Variants in ZFTRAF1 observed in about 807,000 individuals in gnomAD.
ZFTRAF1 encodes the protein zinc finger TRAF-type-containing protein 1.
the ZFTRAF1 span, chr8:144,453,273 T>C: frequency 6.4e-7 from 1 of 1,551,026 alleles, no homozygotes; most frequent in Non-Finnish European, 8.7e-7. Flanking sequence ...GCGGGGAAAC[T>C]GGCGCAGGCA....
the ZFTRAF1 span, chr8:144,462,472 G>C: frequency 1.4e-5 from 3 of 207,436 alleles, no homozygotes; most frequent in Admixed American, 1.8e-4. Context: ...GTAGCTGCCG[G>C]GCGCCCGCCA....
At chr8:144,450,712 C>T in the ZFTRAF1 span, 20 of 716,254 alleles carry the variant, frequency 2.8e-5, no homozygotes, top group Middle Eastern at 6.8e-4. Flanking sequence ...TGAACCTGGG[C>T]GTCTCATAGT....
the ZFTRAF1 span, chr8:144,449,627 T>C: frequency 6.6e-6 from 1 of 152,302 alleles, no homozygotes; most frequent in Non-Finnish European, 1.5e-5. Context: ...ATCTTTTTCC[T>C]GGGAAGAGAC....
chr8:144,459,580 A>G, the ZFTRAF1 span, among the ~76,000 whole-genome samples: 148,432 of 152,326 alleles, frequency 0.97, 72,434 homozygotes, highest in Middle Eastern at 1. Flanking sequence ...GCAGGCCCAA[A>G]GGCTCAGACC....
chr8:144,450,084 G>A, the ZFTRAF1 span: 6 of 420,046 alleles, frequency 1.4e-5, no homozygotes, highest in South Asian at 2.6e-5. Context: ...TGTGCCTCTC[G>A]GCCTCCTTGC....
At chr8:144,450,733 G>A in the ZFTRAF1 span, 1 of 711,498 alleles carries the variant, frequency 1.4e-6, no homozygotes, top group Non-Finnish European at 2.6e-6. Context: ...ACAGGCGCGT[G>A]ATGAAGTCGT....
the ZFTRAF1 span, chr8:144,450,034 A>C: frequency 3.0e-6 from 1 of 332,536 alleles, no homozygotes; most frequent in Non-Finnish European, 5.7e-6. Context: ...ATGGAGCAGC[A>C]CCGCCGCCTG....
chr8:144,450,911 A>G, the ZFTRAF1 span: 2 of 596,362 alleles, frequency 3.4e-6, no homozygotes, highest in African/African-American at 1.9e-5. Flanking sequence ...TGCTTGTCAC[A>G]AGCAAGCCAA....
At chr8:144,454,978 A>G in the ZFTRAF1 span, 1 of 152,292 alleles carries the variant, frequency 6.6e-6, no homozygotes, top group African/African-American at 2.4e-5. Flanking sequence ...ATCCACATGA[A>G]CACCACCCGT....
At chr8:144,460,326 C>A in the ZFTRAF1 span, among the ~76,000 whole-genome samples, 1 of 152,280 alleles carries the variant, frequency 6.6e-6, no homozygotes, top group South Asian at 2.1e-4. Context: ...GAACTCCACT[C>A]TGCACAGTGC....
At chr8:144,462,024 A>C in the ZFTRAF1 span, among the ~76,000 whole-genome samples, 7 of 152,216 alleles carry the variant, frequency 4.6e-5, no homozygotes, top group Non-Finnish European at 8.8e-5. Context: ...CAAGCGATTC[A>C]GATCGGGAAG....
the ZFTRAF1 span, chr8:144,462,727 CGCCGCTCTCCT>C: frequency 6.8e-6 from 1 of 146,674 alleles, no homozygotes; most frequent in African/African-American, 2.5e-5. Flanking sequence ...CGCGCGCTCC[CGCCGCTCTCCT>C]GCCGCCGCCG....
the ZFTRAF1 span, chr8:144,462,298 C>T: frequency 5.0e-6 from 3 of 598,092 alleles, no homozygotes; most frequent in South Asian, 5.2e-5. Context: ...ACACGGAGGC[C>T]TTGGGCAGGT....
At chr8:144,462,405 C>G in the ZFTRAF1 span, 1 of 389,696 alleles carries the variant, frequency 2.6e-6, no homozygotes, top group Non-Finnish European at 4.5e-6. Context: ...GCCGCCTCGG[C>G]TGCCCGCAGC....
At chr8:144,453,580 C>T in the ZFTRAF1 span, 1,275 of 868,062 alleles carry the variant, frequency 1.5e-3, 15 homozygotes, top group East Asian at 0.016. Flanking sequence ...TGCAGAGGGG[C>T]GCACGTGCCT....
the ZFTRAF1 span, chr8:144,453,508 G>C: frequency 6.7e-7 from 1 of 1,487,558 alleles, no homozygotes; most frequent in Admixed American, 2.0e-5. Context: ...GCGGGCTCAT[G>C]CTCGCACACA....
At chr8:144,459,240 G>A in the ZFTRAF1 span, among the ~76,000 whole-genome samples, 2 of 152,350 alleles carry the variant, frequency 1.3e-5, no homozygotes, top group South Asian at 2.1e-4. Flanking sequence ...GAGCCGGCAG[G>A]AACGACCTGA....
chr8:144,457,725 G>A, the ZFTRAF1 span: 1,047 of 152,416 alleles, frequency 6.9e-3, 3 homozygotes, highest in Non-Finnish European at 0.012. Flanking sequence ...CCCTGGCTGA[G>A]GGCCCCCACG....
chr8:144,457,072 G>A, the ZFTRAF1 span: 1 of 151,772 alleles, frequency 6.6e-6, no homozygotes, highest in Admixed American at 6.6e-5. Context: ...CCATGGGGAT[G>A]ACATTAAAAG....
Sources: allele counts gnomAD v4.1 joint callset (sites outside exome capture counted in the v4.1 genomes callset), GRCh38; gene constraint gnomAD v4.1.1; transcripts MANE v1.5; gene names NCBI Gene and HGNC (gene_info 2026-07-23, HGNC 2026-07-21).